ATP11C: variants seen among roughly 807,000 people sequenced by gnomAD.
The protein encoded by ATP11C is ATPase phospholipid transporting 11C (ATP11C blood group).
ATP11C carries 36 observed loss-of-function variants against 97.4 expected under a neutral mutation model. The observed-to-expected ratio is 0.37, with a 90% CI of 0.28 to 0.49. The LOEUF (loss-of-function observed/expected upper bound fraction) is 0.49. ATP11C is among the 20% of genes least tolerant of loss of function. The probability of loss-of-function intolerance (pLI) is 0.98; values close to 1 mark genes in which losing one functional copy is unlikely to be tolerated. For synonymous variants in ATP11C, 275 were observed against 290.9 expected (o/e 0.95, Z 0.56); for missense variants, 730 against 824.6 (o/e 0.89, Z 1.40).
At chrX:139,869,946 A>T (rs1403566514) in intron 1 of ATP11C, among the ~76,000 whole-genome samples, 1 of 109,471 alleles carries the variant, frequency 9.1e-6, no homozygotes, top group Non-Finnish European at 1.9e-5. Context: ...ATTTGGTCTT[A>T]AAAAAGGAAA....
intron 12 of ATP11C, among the ~76,000 whole-genome samples, chrX:139,792,010 T>TA (rs2082699379): frequency 9.0e-6 from 1 of 110,861 alleles, no homozygotes; most frequent in Non-Finnish European, 1.9e-5. Context: ...TGACAAGTGG[T>TA]TCGGGGCCCC....
At chrX:139,899,139 C>G (rs2084855346) in intron 1 of ATP11C, among the ~76,000 whole-genome samples, 1 of 111,301 alleles carries the variant, frequency 9.0e-6, no homozygotes, top group South Asian at 3.8e-4. Context: ...GAAGGAAAGT[C>G]TGAGAAACTG....
intron 18 of ATP11C, among the ~76,000 whole-genome samples, chrX:139,781,730 TAAATAAAAATAA>T (rs887363824): frequency 1.8e-5 from 2 of 110,180 alleles, no homozygotes; most frequent in Admixed American, 1.9e-4. Context: ...AATAAATAAA[TAAATAAAAATAA>T]AAATAAAATA....
At chrX:139,927,777 G>A (rs1255155848) in intron 1 of ATP11C, among the ~76,000 whole-genome samples, 1 of 110,519 alleles carries the variant, frequency 9.0e-6, no homozygotes, top group African/African-American at 3.3e-5. Flanking sequence ...GGTCAGTATA[G>A]CTTTCGGCAT....
intron 29 of ATP11C, among the ~76,000 whole-genome samples, chrX:139,730,681 T>A (rs1404416418): frequency 9.0e-6 from 1 of 111,395 alleles, no homozygotes; most frequent in Non-Finnish European, 1.9e-5. Flanking sequence ...GTATTCATGA[T>A]GATCATTAAT....
chrX:139,928,038 G>A (rs1280239399), intron 1 of ATP11C, among the ~76,000 whole-genome samples: 3 of 112,106 alleles, frequency 2.7e-5, no homozygotes, highest in Non-Finnish European at 5.6e-5. Flanking sequence ...GTCTAGGACA[G>A]CCTTTCTCAA....
intron 1 of ATP11C, among the ~76,000 whole-genome samples, chrX:139,844,346 A>G (rs1256715963): frequency 8.9e-6 from 1 of 112,479 alleles, no homozygotes; most frequent in East Asian, 2.8e-4. Flanking sequence ...CTGGGTAAGC[A>G]CTAGACTGGA....
At chrX:139,920,964 GA>G (rs1285835099) in intron 1 of ATP11C, among the ~76,000 whole-genome samples, 1 of 111,963 alleles carries the variant, frequency 8.9e-6, no homozygotes, top group Non-Finnish European at 1.9e-5. Flanking sequence ...TTCAGAAATA[GA>G]ACCTACTGGA....
Position 139,855,733 on chromosome X carries a change from T to C in ATP11C, c.28-28910A>G, listed in dbSNP as rs113947573. On this transcript the variant is annotated intron_variant, in intron 1 of 29. Coordinates refer to ENST00000682941, the MANE Select transcript of ATP11C (RefSeq NM_001353812.2). The stretch of plus-strand genomic sequence containing the variant: ...TTGCCTTGTTAAACCCTGTGGGGAC[T>C]TGCCAAGTCAAAGACAGCTCTCTAC... Among the ~76,000 whole-genome samples the C allele has an allele frequency of 3.0e-3, 332 of 112,212 alleles. 2 individuals carry two copies. The highest frequency in any genetic ancestry group is 8.9e-3 in the African/African-American group (276 of 30,911).
chrX:139,931,984 G>C (rs934013909), intron 1 of ATP11C, 32 bp downstream of exon 1: 15 of 1,154,281 alleles, frequency 1.3e-5, no homozygotes, highest in South Asian at 2.0e-5. Flanking sequence ...CAAGCAAACC[G>C]GCACGCGCGG....
upstream of ATP11C, among the ~76,000 whole-genome samples, chrX:139,934,944 C>T (rs1201808579): frequency 1.8e-5 from 2 of 111,805 alleles, no homozygotes; most frequent in African/African-American, 6.5e-5. Flanking sequence ...ATTCTAGATA[C>T]TGGAATTGGG....
chrX:139,859,335 A>C (rs1325987233), intron 1 of ATP11C, among the ~76,000 whole-genome samples: 1 of 111,980 alleles, frequency 8.9e-6, no homozygotes, highest in African/African-American at 3.2e-5. Context: ...CCAAGAGAAA[A>C]TGTTGAATAT....
chrX:139,905,641 C>T (rs1603415946), intron 1 of ATP11C, among the ~76,000 whole-genome samples: 1 of 111,179 alleles, frequency 9.0e-6, no homozygotes, highest in East Asian at 2.8e-4. Flanking sequence ...TTTCTTTTGG[C>T]TCATTAAACA....
At chrX:139,879,060 C>T (rs1366443724) in intron 1 of ATP11C, among the ~76,000 whole-genome samples, 1 of 110,974 alleles carries the variant, frequency 9.0e-6, no homozygotes, top group African/African-American at 3.3e-5. Flanking sequence ...CAGTGAGCCA[C>T]GATAGTACCA....
At chrX:139,730,648 T>C (rs1300170657) in intron 29 of ATP11C, among the ~76,000 whole-genome samples, 5 of 111,275 alleles carry the variant, frequency 4.5e-5, no homozygotes, top group African/African-American at 1.6e-4. Flanking sequence ...ATTATTAGCT[T>C]CAAAGTGAAC....
At chrX:139,915,331 G>T (rs781273585) in intron 1 of ATP11C, among the ~76,000 whole-genome samples, 1 of 111,592 alleles carries the variant, frequency 9.0e-6, no homozygotes, top group African/African-American at 3.3e-5. Context: ...AACAAATTTT[G>T]AAACAAGAAT....
chrX:139,893,659 G>A (rs963169021), intron 1 of ATP11C, among the ~76,000 whole-genome samples: 1 of 109,068 alleles, frequency 9.2e-6, no homozygotes, highest in Non-Finnish European at 1.9e-5. Flanking sequence ...GTCTTAAGGG[G>A]TTTAAGCAAT....
intron 1 of ATP11C, among the ~76,000 whole-genome samples, chrX:139,836,055 C>T (rs1440577216): frequency 1.5e-5 from 1 of 67,526 alleles, no homozygotes; most frequent in East Asian, 6.2e-4. Context: ...AAAAAAAAAG[C>T]TTGAAAAGTG....
intron 1 of ATP11C, among the ~76,000 whole-genome samples, chrX:139,836,543 G>C (rs1218554829): frequency 2.7e-5 from 3 of 111,219 alleles, no homozygotes; most frequent in African/African-American, 6.5e-5. Context: ...ACAATTTCAG[G>C]CTTCAAAGCA....
Sources: allele counts gnomAD v4.1 joint callset (sites outside exome capture counted in the v4.1 genomes callset), GRCh38; gene constraint gnomAD v4.1.1; transcripts MANE v1.5; gene names NCBI Gene and HGNC (gene_info 2026-07-23, HGNC 2026-07-21).